The following RBFOX1 variants were observed in gnomAD, a reference collection of about 807,000 sequenced individuals.
RBFOX1 encodes the protein RNA binding fox-1 homolog 1, also known as RNA binding protein fox-1 homolog 1.
A neutral mutation model predicts 57.7 loss-of-function variants in RBFOX1; 8 were observed. That is an observed-to-expected ratio of 0.14 (90% confidence interval 0.08 to 0.25). The LOEUF (loss-of-function observed/expected upper bound fraction) is 0.25. Among genes scored for constraint, RBFOX1 ranks in the 10% least tolerant of loss-of-function variants. The probability of loss-of-function intolerance (pLI) is 1.00; values close to 1 mark genes in which losing one functional copy is unlikely to be tolerated. For synonymous variants in RBFOX1, 326 were observed against 222.4 expected (o/e 1.47, Z -4.15); for missense variants, 611 against 548.5 (o/e 1.11, Z -1.14).
chr16:6,221,309 G>A (rs1567709387), intron 1 of RBFOX1, among the ~76,000 whole-genome samples: 2 of 152,028 alleles, frequency 1.3e-5, no homozygotes, highest in African/African-American at 4.8e-5. Flanking sequence ...CTGTATCACT[G>A]CTGTTTAATT....
At chr16:5,443,910 G>T (rs775396263) in intron 1 of RBFOX1, among the ~76,000 whole-genome samples, 1 of 152,138 alleles carries the variant, frequency 6.6e-6, no homozygotes, top group African/African-American at 2.4e-5. Context: ...GCCGAGGGGA[G>T]ATTTTCCACC....
intron 1 of RBFOX1, among the ~76,000 whole-genome samples, chr16:6,109,782 C>T (rs552715208): frequency 5.3e-5 from 8 of 152,100 alleles, no homozygotes; most frequent in Non-Finnish European, 1.0e-4. Flanking sequence ...AATCCTTGTA[C>T]AACATTTTGG....
chr16:7,165,422 T>TGATAATA (rs2079257827), intron 4 of RBFOX1, among the ~76,000 whole-genome samples: 1 of 57,036 alleles, frequency 1.8e-5, no homozygotes, highest in African/African-American at 5.7e-5. Context: ...TAATAATCAT[T>TGATAATA]ATTATTATTA....
chr16:6,113,249 G>A (rs2096464484), intron 1 of RBFOX1, among the ~76,000 whole-genome samples: 1 of 152,256 alleles, frequency 6.6e-6, no homozygotes, highest in Admixed American at 6.5e-5. Context: ...AAGAGGGTGA[G>A]GCCGATTGCA....
intron 3 of RBFOX1, among the ~76,000 whole-genome samples, chr16:5,832,576 G>A (rs1434619869): frequency 6.6e-6 from 1 of 152,222 alleles, no homozygotes; most frequent in Non-Finnish European, 1.5e-5. Context: ...AGCTGTCACT[G>A]TTAGGCTTCT....
At chr16:7,107,806 T>C (rs1199866563) in intron 4 of RBFOX1, among the ~76,000 whole-genome samples, 1 of 152,126 alleles carries the variant, frequency 6.6e-6, no homozygotes, top group African/African-American at 2.4e-5. Context: ...TATGTCTTTT[T>C]GTGTCTGAAA....
chr16:7,658,335 C>T (rs939962260), intron 12 of RBFOX1, among the ~76,000 whole-genome samples: 5 of 152,250 alleles, frequency 3.3e-5, no homozygotes, highest in Admixed American at 1.3e-4. Flanking sequence ...GGTTGAGGCA[C>T]TTGCATTGCT....
chr16:7,628,285 G>C (rs994341705), intron 10 of RBFOX1, among the ~76,000 whole-genome samples: 2 of 151,988 alleles, frequency 1.3e-5, no homozygotes, highest in African/African-American at 4.8e-5. Flanking sequence ...CACTTGCTAG[G>C]ATCCTATCGT....
At chr16:5,493,679 C>G (rs1164929799) in intron 2 of RBFOX1, among the ~76,000 whole-genome samples, 1 of 152,186 alleles carries the variant, frequency 6.6e-6, no homozygotes, top group East Asian at 1.9e-4. Flanking sequence ...GGATTCTCCC[C>G]AGTGAGGCCA....
intron 4 of RBFOX1, among the ~76,000 whole-genome samples, chr16:7,331,312 A>C (rs1461848769): frequency 4.6e-5 from 7 of 152,158 alleles, no homozygotes; most frequent in Admixed American, 4.6e-4. Flanking sequence ...TCCTGTTTAG[A>C]GTGAGCAGTG....
chr16:5,680,267 C>T (rs1055464571), intron 3 of RBFOX1, among the ~76,000 whole-genome samples: 6 of 152,152 alleles, frequency 3.9e-5, no homozygotes, highest in South Asian at 2.1e-4. Context: ...CTCAGTCTGG[C>T]GGAGATTTGT....
chr16:7,468,864 G>C (rs1290220669), intron 4 of RBFOX1, among the ~76,000 whole-genome samples: 2 of 152,088 alleles, frequency 1.3e-5, no homozygotes, highest in Non-Finnish European at 2.9e-5. Flanking sequence ...AGGTTGCGAG[G>C]ATCACAGGGT....
intron 4 of RBFOX1, among the ~76,000 whole-genome samples, chr16:7,426,138 C>T (rs1568834219): frequency 6.6e-6 from 1 of 152,150 alleles, no homozygotes; most frequent in Non-Finnish European, 1.5e-5. Flanking sequence ...GGCTCTTGGC[C>T]CACCCTTGCC....
chr16:6,842,467 A>T (rs1455343218), intron 3 of RBFOX1, among the ~76,000 whole-genome samples: 1 of 151,996 alleles, frequency 6.6e-6, no homozygotes. Flanking sequence ...TACAAATATG[A>T]ATGTGTGTGT....
At chr16:6,092,399 C>T (rs1286137019) in intron 1 of RBFOX1, 1 of 152,196 alleles carries the variant, frequency 6.6e-6, no homozygotes, top group African/African-American at 2.4e-5. Context: ...TTCTATGTCT[C>T]CTACCTTCTT....
intron 3 of RBFOX1, among the ~76,000 whole-genome samples, chr16:6,935,006 T>C (rs1176206639): frequency 6.6e-6 from 1 of 151,890 alleles, no homozygotes; most frequent in Non-Finnish European, 1.5e-5. Context: ...GAGGACTGCT[T>C]GAGCCCAGGA....
In RBFOX1 at chr16:5,763,655, C is replaced by G. The variant is rs531589515; in HGVS notation, c.319-103648C>G. ...AGCACAAATCTGAAAACACTCACTC[C>G]GAGGGAATATTTTGAAAACTTGGAT... On this transcript the variant is annotated intron_variant, in intron 3 of 19. Coordinates refer to the RBFOX1 transcript ENST00000641259. Among the ~76,000 whole-genome samples, 432 of 152,330 alleles carry G rather than the reference C, an allele frequency of 2.8e-3. 5 individuals are homozygous for G. Among genetic ancestry groups the G allele is most frequent in the African/African-American group, 0.01 (416 of 41,588 alleles).
intron 1 of RBFOX1, among the ~76,000 whole-genome samples, chr16:6,045,522 CATTT>C (rs2095486439): frequency 6.6e-6 from 1 of 152,190 alleles, no homozygotes; most frequent in African/African-American, 2.4e-5. Flanking sequence ...TTCATTCATT[CATTT>C]GTTCATTCAT....
chr16:6,997,972 G>A (rs950886218), intron 3 of RBFOX1, among the ~76,000 whole-genome samples: 56 of 151,572 alleles, frequency 3.7e-4, no homozygotes, highest in Non-Finnish European at 1.3e-4. Flanking sequence ...CATTTAAACA[G>A]CTTGGCAGTC....
Sources: gnomAD v4.1 joint callset for allele counts (sites outside exome capture counted in the v4.1 genomes callset) on GRCh38, gnomAD v4.1.1 for gene constraint, MANE v1.5 for transcripts, NCBI Gene and HGNC (gene_info 2026-07-23, HGNC 2026-07-21) for gene names.